Variants in RNF40 observed in about 807,000 individuals in gnomAD.
The protein encoded by RNF40 is ring finger protein 40.
RNF40 carries 39 observed loss-of-function variants against 123.3 expected under a neutral mutation model. That is an observed-to-expected ratio of 0.32 (90% CI 0.24 to 0.41). The LOEUF (loss-of-function observed/expected upper bound fraction) is 0.41. RNF40 is among the 10% of genes least tolerant of loss of function. The pLI is 1.00. For synonymous variants in RNF40, 538 were observed against 526.0 expected (o/e 1.02, Z -0.31); for missense variants, 1,003 against 1,319.9 (o/e 0.76, Z 3.72).
At chr16:30,765,898 T>C (rs2054021538) in intron 8 of RNF40, among the ~76,000 whole-genome samples, 1 of 152,222 alleles carries the variant, frequency 6.6e-6, no homozygotes, top group Non-Finnish European at 1.5e-5. Context: ...TGTGCCCTTT[T>C]TCCCTTTATT....
upstream of RNF40, chr16:30,761,692 T>C: frequency 5.2e-6 from 8 of 1,535,650 alleles, no homozygotes; most frequent in Non-Finnish European, 7.0e-6. Flanking sequence ...CGGAGAGATG[T>C]TCAAGCTCCG....
At chr16:30,773,809 C>A in intron 19 of RNF40, 129 bp from the exon 20 acceptor site, 1 of 942,810 alleles carries the variant, frequency 1.1e-6, no homozygotes, top group Non-Finnish European at 1.6e-6. Flanking sequence ...TCGTCCTTAC[C>A]TCCAGGGTTA....
rs933395077 is a variant in RNF40 at position 30,769,579 on chromosome 16, C to T, written c.2565C>T (p.Ala855=). The T allele has an allele frequency of 2.5e-6, 4 of 1,597,182 alleles. No individual in the cohort carries two copies. Residue 855 remains alanine (A), a synonymous_variant, in exon 17 of 20, where the codon GCC becomes GCT. Transcript: ENST00000324685. The stretch of plus-strand genomic sequence containing the variant: ...AGGAGCTGACGCTGCGCAGCCAAGC[C>T]CTGGAGCTCAACAAGCGGAAGGTGA... The part of the protein sequence containing the change: ...VEKELTLRSQ[A]LELNKRKAVE...
In RNF40 at chr16:30,768,912, G is replaced by A; in HGVS notation, c.2172G>A (p.Glu724=). The change falls in exon 15 of 20, where the codon GAG becomes GAA. Residue 724 remains glutamate (E), a synonymous_variant. Transcript: ENST00000324685. This position sits in a 1 kb window ranked among gnomAD's most constrained non-coding sequence, Gnocchi z 4.1. Reference sequence around the variant, plus strand: ...GGGAGAGCAAGAAGATCGCGGATGAGGATGCCCTGCGGCGCATTCGGCAGG... The same window carrying A: ...GGGAGAGCAAGAAGATCGCGGATGAAGATGCCCTGCGGCGCATTCGGCAGG... ...DRRESKKIAD[E]DALRRIRQAE... 6.2e-7 allele frequency: 1 copy of A among 1,614,210 alleles called. No individual in the cohort carries two copies. The highest frequency in any genetic ancestry group is 8.5e-7 in the Non-Finnish European group (1 of 1,180,044).
In RNF40 at chr16:30,766,117, G is replaced by C. The variant is rs2054026560; in HGVS notation, c.994-46G>C. 6.2e-7 allele frequency: 1 copy of C among 1,612,422 alleles called. No homozygotes were observed. Among genetic ancestry groups the C allele is most frequent in the Non-Finnish European group, 8.5e-7 (1 of 1,179,416 alleles). ...GCTGGGGATGTAAGGGAGGCCTGCT[G>C]CCACGTCTGGCCCTGCCTCCCATGG... is the stretch of plus-strand genomic sequence containing the variant. On this transcript the variant is annotated intron_variant, in intron 8 of 19. Coordinates refer to ENST00000324685, the MANE Select transcript of RNF40 (RefSeq NM_014771.4). The surrounding 1 kb of genome is among the most constrained non-coding windows in gnomAD (Gnocchi z 5.4).
chr16:30,772,495 C>T (rs1296995338), intron 19 of RNF40, among the ~76,000 whole-genome samples: 1 of 152,086 alleles, frequency 6.6e-6, no homozygotes, highest in African/African-American at 2.4e-5. Context: ...TGGCAGAGGC[C>T]AGAGGGGCTG....
At position 30,762,587 on chromosome 16, in the gene RNF40, CTCAGGGCCCCCGGAA is replaced by C. The variant is rs1376984021; in HGVS notation, c.43_57del (p.Ser15_Glu19del). The C allele has an allele frequency of 5.0e-6, 8 of 1,602,484 alleles. No individual in the cohort carries two copies. The highest frequency in any genetic ancestry group is 6.8e-6 in the Non-Finnish European group (8 of 1,176,954). On this transcript the variant is annotated inframe_deletion, in exon 2 of 20. Coordinates refer to ENST00000324685, the MANE Select transcript of RNF40 (RefSeq NM_014771.4). ...ACAAACGCGCCGCCGGCGACGGGGG[CTCAGGGCCCCCGGAA>C]AAGAAGCTGAGTCGTGAGGAGAAGA...
At position 30,774,145 on chromosome 16, in the gene RNF40, T is replaced by C. The variant is rs777940476; in HGVS notation, c.*31T>C. On this transcript the variant is annotated 3_prime_UTR_variant, in exon 20 of 20. Coordinates refer to ENST00000324685, the MANE Select transcript of RNF40 (RefSeq NM_014771.4). ...AAACTCAGGGGACTCTGGAACACCA[T>C]GGACCCTGGGGGCTGTGCCCCCATC... is the stretch of plus-strand genomic sequence containing the variant. 23 of 1,592,152 alleles carry C rather than the reference T, an allele frequency of 1.4e-5. No homozygotes were observed. The Admixed American group carries it at 3.3e-4, about 23-fold the overall frequency.
rs779766433 is a variant in RNF40 at position 30,766,124 on chromosome 16, C to CTGGCCCTGCCTCCCA, written c.994-23_994-9dup. 7.4e-6 allele frequency: 12 copies of CTGGCCCTGCCTCCCA among 1,612,642 alleles called. No homozygotes were observed. The highest frequency in any genetic ancestry group is 6.7e-5 in the African/African-American group (5 of 74,904). The stretch of plus-strand genomic sequence containing the variant: ...ATGTAAGGGAGGCCTGCTGCCACGT[C>CTGGCCCTGCCTCCCA]TGGCCCTGCCTCCCATGGCCCTGCC... On this transcript the variant is annotated intron_variant, in intron 8 of 19. Coordinates refer to ENST00000324685, the MANE Select transcript of RNF40 (RefSeq NM_014771.4). This position sits in a 1 kb window ranked among gnomAD's most constrained non-coding sequence, Gnocchi z 5.4.
At chr16:30,762,266 C>G (rs1456063525), upstream of RNF40, 9 of 441,786 alleles carry the variant, frequency 2.0e-5, no homozygotes, top group Non-Finnish European at 3.6e-5. Context: ...CGCCTGCGCC[C>G]TGCGCACCGT....
Position 30,766,133 on chromosome 16 carries a change from C to G in RNF40, c.994-30C>G. ...AGGCCTGCTGCCACGTCTGGCCCTG[C>G]CTCCCATGGCCCTGCCTCCCACTCC... On this transcript the variant is annotated intron_variant, in intron 8 of 19. Transcript: ENST00000324685. This position sits in a 1 kb window ranked among gnomAD's most constrained non-coding sequence, Gnocchi z 5.4. 6.2e-7 allele frequency: 1 copy of G among 1,613,000 alleles called. No homozygotes were observed. The highest frequency in any genetic ancestry group is 1.7e-5 in the Admixed American group (1 of 59,996).
At chr16:30,764,443 A>AC (rs2053990854) in intron 5 of RNF40, 58 bp downstream of exon 5, 3 of 1,450,230 alleles carry the variant, frequency 2.1e-6, no homozygotes, top group Non-Finnish European at 2.8e-6. Flanking sequence ...TCTTGATGGC[A>AC]CCCCTTCCTG....
chr16:30,769,695 T>C (rs893730343), intron 17 of RNF40, 95 bp downstream of exon 17: 3 of 1,369,198 alleles, frequency 2.2e-6, no homozygotes, highest in Admixed American at 5.7e-5. Flanking sequence ...TAGCCTGAGG[T>C]GAAGCCAGGC....
intron 19 of RNF40, chr16:30,773,500 C>A: frequency 6.4e-6 from 1 of 156,004 alleles, no homozygotes; most frequent in Non-Finnish European, 1.4e-5. Context: ...GGGTCTCTGG[C>A]CAGTGTCGAG....
chr16:30,764,306 A>G lies in RNF40; in HGVS notation c.570A>G (p.Ala190=), dbSNP rs1445283706. ...ELQGRMEFSK[A]AVSRVVEASD... ...AAGGCCGAATGGAGTTCTCCAAGGC[A>G]GCTGTGTCTCGTGTGGTAGAGGCCT... Residue 190 remains alanine (A), a synonymous_variant, in exon 5 of 20, where the codon GCA becomes GCG. Coordinates refer to ENST00000324685, the MANE Select transcript of RNF40 (RefSeq NM_014771.4). 1.9e-6 allele frequency: 3 copies of G among 1,613,780 alleles called. No individual in the cohort carries two copies. Among genetic ancestry groups the G allele is most frequent in the East Asian group, 2.2e-5 (1 of 44,898 alleles).
intron 19 of RNF40, chr16:30,773,692 A>T: frequency 2.5e-6 from 1 of 394,970 alleles, no homozygotes; most frequent in Non-Finnish European, 4.5e-6. Context: ...TGTCCTTTTG[A>T]GGGGACACAT....
At chr16:30,765,738 T>A (rs541174602) in intron 8 of RNF40, among the ~76,000 whole-genome samples, 1 of 152,118 alleles carries the variant, frequency 6.6e-6, no homozygotes, top group African/African-American at 2.4e-5. Flanking sequence ...AGACAAGAAA[T>A]AAATAAAAGA....
chr16:30,767,096 T>C (rs936714153), intron 11 of RNF40, among the ~76,000 whole-genome samples: 2 of 152,192 alleles, frequency 1.3e-5, no homozygotes, highest in African/African-American at 4.8e-5. Context: ...GTCTGAGCTG[T>C]CAGCCCTGTC....
Position 30,766,634 on chromosome 16 carries a change from G to A in RNF40, c.1293+76G>A. 2.5e-6 allele frequency: 4 copies of A among 1,582,584 alleles called. No individual in the cohort carries two copies. Among genetic ancestry groups the A allele is most frequent in the Non-Finnish European group, 3.4e-6 (4 of 1,162,268 alleles). ...TGTTGACGTGTTTGTGCCTTCCGAG[G>A]CCCTGTGTGCCAGCCAGGGGTCCCT... is the stretch of plus-strand genomic sequence containing the variant. On this transcript the variant is annotated intron_variant, in intron 10 of 19. Transcript: ENST00000324685. The surrounding 1 kb of genome is among the most constrained non-coding windows in gnomAD (Gnocchi z 5.4).
Sources: gnomAD v4.1 joint callset for allele counts (sites outside exome capture counted in the v4.1 genomes callset) on GRCh38, gnomAD v4.1.1 for gene constraint, Gnocchi (gnomAD v3.1) non-coding constraint, MANE v1.5 for transcripts, NCBI Gene and HGNC (gene_info 2026-07-23, HGNC 2026-07-21) for gene names.